Variants in TBC1D24 observed in about 807,000 individuals in gnomAD.
The protein encoded by TBC1D24 is TBC1 domain family member 24.
A neutral mutation model predicts 50.7 loss-of-function variants in TBC1D24; 47 were observed. The observed-to-expected ratio is 0.93, with a 90% CI of 0.73 to 1.18. The LOEUF (loss-of-function observed/expected upper bound fraction) is 1.18. TBC1D24 is among the 50% of genes most tolerant of loss of function. The pLI is 0.00. For missense variants in TBC1D24, 688 were observed against 766.5 expected, an observed-to-expected ratio of 0.90 and a Z score of 1.21; for synonymous variants, 324 against 335.2, an observed-to-expected ratio of 0.97 and a Z score of 0.36.
In TBC1D24 at chr16:2,504,760, A is replaced by G. The variant is rs1314360229; in HGVS notation, c.*3802A>G. On this transcript the variant is annotated 3_prime_UTR_variant, in exon 8 of 8. Coordinates refer to ENST00000646147, the MANE Select transcript of TBC1D24 (RefSeq NM_001199107.2). ...TTTCCCACTGTCCAGGAATCGATTTAATTTTTACAGTTGTTTACTTTCTCA... is the reference window on the plus strand; with the variant it reads ...TTTCCCACTGTCCAGGAATCGATTTGATTTTTACAGTTGTTTACTTTCTCA... 6.6e-6 allele frequency: 1 copy of G among 151,694 alleles called. No homozygotes were observed. The allele number at this position is 151,694 out of a possible 1,614,324, so 9.4% of individuals were successfully genotyped here.
intron 1 of TBC1D24, among the ~76,000 whole-genome samples, chr16:2,492,665 G>T (rs891344080): frequency 1.3e-5 from 2 of 152,124 alleles, no homozygotes; most frequent in Admixed American, 6.6e-5. Flanking sequence ...TGGACCTGTC[G>T]GCCTGACCTT....
Position 2,498,376 on chromosome 16 carries a change from G to T in TBC1D24, c.1122G>T (p.Gln374His). The T allele has an allele frequency of 6.2e-7, 1 of 1,607,678 alleles. No individual in the cohort carries two copies. The highest frequency in any genetic ancestry group is 1.1e-5 in the South Asian group (1 of 89,750). The change falls in exon 4 of 8, where the codon CAG becomes CAT. Residue 374 changes from glutamine (Q) to histidine (H), a missense_variant. Transcript: ENST00000646147. ...CCCTTCTGCTGTTCTCCTCCCTGCA[G>T]CACGGGTACAGCCTGGCCAGGTAAC... ...CQPLLLFSSLQHGYSLARFYF... is the reference protein window; with the variant it reads ...CQPLLLFSSLHHGYSLARFYF...
At position 2,486,368 on chromosome 16, in the gene TBC1D24, A is replaced by G. The variant is rs2065651046; in HGVS notation, c.-115-9666A>G. ...GAAATGGTGAGGGATTGCTCAGACC[A>G]GATGGGAAGAAGTGAGACGAGCGGC... is the stretch of plus-strand genomic sequence containing the variant. On this transcript the variant is annotated intron_variant, in intron 1 of 7. Transcript: ENST00000646147. The surrounding 1 kb of genome is among the most constrained non-coding windows in gnomAD (Gnocchi z 5.8). Among the ~76,000 whole-genome samples, 1 of 152,226 alleles carries G rather than the reference A, an allele frequency of 6.6e-6. No homozygotes were observed. The highest frequency in any genetic ancestry group is 2.1e-4 in the South Asian group (1 of 4,838).
At position 2,500,438 on chromosome 16, in the gene TBC1D24, C is replaced by G. The variant is rs370427146; in HGVS notation, c.1473C>G (p.Pro491=). The change falls in exon 7 of 8, where the codon CCC becomes CCG. Residue 491 remains proline (P), a synonymous_variant. Transcript: ENST00000646147. The surrounding 1 kb of genome is among the most constrained non-coding windows in gnomAD (Gnocchi z 8.0). ...PFLAARHFNL[P]SKTESMFMAG... is the part of the protein sequence containing the mutation. Reference sequence around the variant, plus strand: ...TGGCCGCTCGCCACTTCAACCTGCCCTCCAAGACCGAGTCCATGTTCATGG... The same window carrying G: ...TGGCCGCTCGCCACTTCAACCTGCCGTCCAAGACCGAGTCCATGTTCATGG... 1.2e-4 allele frequency: 186 copies of G among 1,601,534 alleles called. 1 individual carries two copies. The African/African-American group carries it at 2.2e-3, about 19-fold the overall frequency.
intron 1 of TBC1D24, chr16:2,480,950 A>G (rs531655807): frequency 1.3e-5 from 2 of 152,324 alleles, no homozygotes; most frequent in South Asian, 4.2e-4. Flanking sequence ...CAGAGCCCCA[A>G]AGGACACTCA....
At position 2,475,602 on chromosome 16, in the gene TBC1D24, C is replaced by T. The variant is rs1166844650; in HGVS notation, c.-116+432C>T. Among the ~76,000 whole-genome samples the T allele has an allele frequency of 6.6e-6, 1 of 151,726 alleles. No homozygotes were observed. Among genetic ancestry groups the T allele is most frequent in the Non-Finnish European group, 1.5e-5 (1 of 67,968 alleles). Reference sequence around the variant, plus strand: ...CTGCCCTGTGGACCTGCAGCGGCCCCGGGCCCCGCCCCGCCCCGCCCAGGG... The same window carrying T: ...CTGCCCTGTGGACCTGCAGCGGCCCTGGGCCCCGCCCCGCCCCGCCCAGGG... On this transcript the variant is annotated intron_variant, in intron 1 of 7. Coordinates refer to ENST00000646147, the MANE Select transcript of TBC1D24 (RefSeq NM_001199107.2). This position sits in a 1 kb window ranked among gnomAD's most constrained non-coding sequence, Gnocchi z 4.2.
At position 2,485,568 on chromosome 16, in the gene TBC1D24, A is replaced by C. The variant is rs1442979150; in HGVS notation, c.-116+10398A>C. The C allele has an allele frequency of 6.6e-6, 1 of 152,232 alleles. No homozygotes were observed. The highest frequency in any genetic ancestry group is 1.5e-5 in the Non-Finnish European group (1 of 68,042). 9.4% of individuals were successfully genotyped at this position (152,232 alleles called of 1,614,324 possible). ...CCAGCAAATTCATTGAACCCAAAGC[A>C]GGGGTTGTGGGAACCCCAACTTGAA... On this transcript the variant is annotated intron_variant, in intron 1 of 7. Transcript: ENST00000646147. The surrounding 1 kb of genome is among the most constrained non-coding windows in gnomAD (Gnocchi z 4.6).
rs1406095259 is a variant in TBC1D24, at chr16:2,498,275, C to T, written c.1021C>T (p.Arg341Cys). 16 of 1,611,496 alleles carry T rather than the reference C, an allele frequency of 9.9e-6. No individual in the cohort carries two copies. The highest frequency in any genetic ancestry group is 3.3e-5 in the Admixed American group (2 of 59,788). The change falls in exon 4 of 8, where the codon CGC (arginine) becomes TGC (cysteine). Residue 341 changes from arginine (R) to cysteine (C), a missense_variant. Physicochemically the swap from Arg to Cys is radical, Grantham distance 180. Coordinates refer to ENST00000646147, the MANE Select transcript of TBC1D24 (RefSeq NM_001199107.2). ...VHLAVHAENF[R>C]SEIVSVREMR... Reference sequence around the variant, plus strand: ...CTTGGCCGTCCATGCAGAGAACTTCCGCTCGGAGATCGTCAGCGTGAGGGA... The same window carrying T: ...CTTGGCCGTCCATGCAGAGAACTTCTGCTCGGAGATCGTCAGCGTGAGGGA...
At chr16:2,490,803 G>A (rs539832943) in intron 1 of TBC1D24, among the ~76,000 whole-genome samples, 17 of 152,218 alleles carry the variant, frequency 1.1e-4, no homozygotes, top group African/African-American at 2.9e-4. Context: ...AAGCTGCCCC[G>A]TTTCCACAGT....
Position 2,487,159 on chromosome 16 carries a change from C to T in TBC1D24, c.-115-8875C>T, listed in dbSNP as rs577460097. Among the ~76,000 whole-genome samples the T allele has an allele frequency of 9.8e-5, 15 of 152,350 alleles. No homozygotes were observed. In the South Asian group the frequency reaches 2.5e-3, roughly 25 times the overall value. ...TCTTGCCTCCACATCTGAGGGGCACCGTCCCCACCCACAGGCTGCCTCCAC... is the reference window on the plus strand; with the variant it reads ...TCTTGCCTCCACATCTGAGGGGCACTGTCCCCACCCACAGGCTGCCTCCAC... On this transcript the variant is annotated intron_variant, in intron 1 of 7. Transcript: ENST00000646147. The surrounding 1 kb of genome is among the most constrained non-coding windows in gnomAD (Gnocchi z 4.1).
At chr16:2,478,952 A>C (rs1406601085) in intron 1 of TBC1D24, 1 of 150,466 alleles carries the variant, frequency 6.6e-6, no homozygotes, top group African/African-American at 2.5e-5. Flanking sequence ...TGGAGGGATC[A>C]TGAGATCATG....
rs905947091 is a variant in TBC1D24, at chr16:2,483,013, T to C, written c.-116+7843T>C. On this transcript the variant is annotated intron_variant, in intron 1 of 7. Coordinates refer to ENST00000646147, the MANE Select transcript of TBC1D24 (RefSeq NM_001199107.2). The surrounding 1 kb of genome is among the most constrained non-coding windows in gnomAD (Gnocchi z 4.0). ...TGGAGTGGAGCCTCAGGCCCTGTGG[T>C]TTGCTGTGTTTGGGGCCTGCTGTCA... is the stretch of plus-strand genomic sequence containing the variant. 2 of 152,960 alleles carry C rather than the reference T, an allele frequency of 1.3e-5. No individual in the cohort carries two copies. The highest frequency in any genetic ancestry group is 4.8e-5 in the African/African-American group (2 of 41,398). 9.5% of individuals were successfully genotyped at this position (152,960 alleles called of 1,614,324 possible). A position where few individuals can be genotyped will look rare whatever the true frequency, so the allele number is the denominator to read the frequency against.
chr16:2,498,230 C>A lies in TBC1D24; in HGVS notation c.984-8C>A. The A allele has an allele frequency of 2.5e-6, 4 of 1,602,258 alleles. No individual in the cohort carries two copies. The highest frequency in any genetic ancestry group is 3.4e-6 in the Non-Finnish European group (4 of 1,174,018). On this transcript the variant is annotated splice_region_variant and splice_polypyrimidine_tract_variant and intron_variant, in intron 3 of 7. Transcript: ENST00000646147. ...CTTCGGGCTCTGACCCCTGCTCGCT[C>A]CCCTCAGGCAGTTTGTACACTTGGC... is the stretch of plus-strand genomic sequence containing the variant.
At chr16:2,497,867 A>C (rs1000274525) in intron 3 of TBC1D24, 140 bp downstream of exon 3, 2 of 862,760 alleles carry the variant, frequency 2.3e-6, no homozygotes, top group Non-Finnish European at 3.7e-6. Context: ...ACTGATGCTC[A>C]GGCGCCTTCT....
chr16:2,490,603 C>G (rs551812430), intron 1 of TBC1D24, among the ~76,000 whole-genome samples: 54 of 152,346 alleles, frequency 3.5e-4, no homozygotes, highest in African/African-American at 1.2e-3. Context: ...GCACCCCACC[C>G]TGTCAGTCCA....
Position 2,482,019 on chromosome 16 carries a change from A to G in TBC1D24, c.-116+6849A>G, listed in dbSNP as rs1488467083. 1 of 152,190 alleles carries G rather than the reference A, an allele frequency of 6.6e-6. No individual in the cohort carries two copies. Among genetic ancestry groups the G allele is most frequent in the African/African-American group, 2.4e-5 (1 of 41,440 alleles). The allele number at this position is 152,190 out of a possible 1,614,324, so 9.4% of individuals were successfully genotyped here. On this transcript the variant is annotated intron_variant, in intron 1 of 7. Transcript: ENST00000646147. This position sits in a 1 kb window ranked among gnomAD's most constrained non-coding sequence, Gnocchi z 5.2. ...GCATGTCGGTCACCATTAATATTTG[A>G]AAGATGCCTGTGCTCTGCTTCAGGC...
rs1415301299 is a variant in TBC1D24 at position 2,502,731 on chromosome 16, G to T, written c.*1773G>T. Reference sequence around the variant, plus strand: ...GGATGGGGTGAATCCCTCTCACGGGGAGAGGTATGGGAGGGAAGTCGCCAC... The same window carrying T: ...GGATGGGGTGAATCCCTCTCACGGGTAGAGGTATGGGAGGGAAGTCGCCAC... On this transcript the variant is annotated 3_prime_UTR_variant, in exon 8 of 8. Coordinates refer to ENST00000646147, the MANE Select transcript of TBC1D24 (RefSeq NM_001199107.2). 1 of 152,960 alleles carries T rather than the reference G, an allele frequency of 6.5e-6. No homozygotes were observed. Among genetic ancestry groups the T allele is most frequent in the South Asian group, 2.1e-4 (1 of 4,840 alleles). 9.5% of individuals were successfully genotyped at this position (152,960 alleles called of 1,614,324 possible). A position where few individuals can be genotyped will look rare whatever the true frequency, so the allele number is the denominator to read the frequency against.
chr16:2,476,213 C>T (rs1389289283), intron 1 of TBC1D24, among the ~76,000 whole-genome samples: 1 of 152,244 alleles, frequency 6.6e-6, no homozygotes, highest in Non-Finnish European at 1.5e-5. Flanking sequence ...GTTTCCTCCA[C>T]CCGAGGTCCA....
At chr16:2,491,546 G>A (rs140216362) in intron 1 of TBC1D24, among the ~76,000 whole-genome samples, 3,408 of 149,932 alleles carry the variant, frequency 0.023, 57 homozygotes, top group Non-Finnish European at 0.03. Context: ...GCGCCACCAC[G>A]CCTGGCTAAT....
Sources: allele counts gnomAD v4.1 joint callset (sites outside exome capture counted in the v4.1 genomes callset), GRCh38; gene constraint gnomAD v4.1.1; non-coding constraint Gnocchi (gnomAD v3.1); transcripts MANE v1.5; gene names NCBI Gene and HGNC (gene_info 2026-07-23, HGNC 2026-07-21).